PDGFD: variants seen among roughly 807,000 people sequenced by gnomAD.
PDGFD encodes platelet-derived growth factor D.
A neutral mutation model predicts 44.7 loss-of-function variants in PDGFD; 30 were observed. The observed-to-expected ratio is 0.67, with a 90% confidence interval of 0.50 to 0.91. PDGFD has a LOEUF of 0.91. Ranked by LOEUF, PDGFD falls within the 40% of genes least tolerant of loss-of-function variation. PDGFD has a pLI of 0.00. For missense variants in PDGFD, 445 were observed against 457.8 expected (o/e 0.97, Z 0.25); for synonymous variants, 173 against 168.4 (o/e 1.03, Z -0.21).
chr11:103,947,698 T>C lies in PDGFD; in HGVS notation c.537A>G (p.Ser179=). Residue 179 remains serine (S), a synonymous_variant, in exon 4 of 7, where the codon TCA becomes TCG. Coordinates refer to ENST00000393158, the MANE Select transcript of PDGFD (RefSeq NM_025208.5). ...LLEDFQPAAA[S]ETNWESVTSS... ...TTGTGACAGATTCCCAGTTGGTCTCTGAAGCTGCTGCGGGTTGGAAATCTT... is the reference window on the plus strand; with the variant it reads ...TTGTGACAGATTCCCAGTTGGTCTCCGAAGCTGCTGCGGGTTGGAAATCTT... 6.2e-7 allele frequency: 1 copy of C among 1,613,664 alleles called. No individual in the cohort carries two copies. The highest frequency in any genetic ancestry group is 8.5e-7 in the Non-Finnish European group (1 of 1,179,660).
At chr11:103,920,545 T>C (rs542090214) in intron 6 of PDGFD, among the ~76,000 whole-genome samples, 2 of 152,346 alleles carry the variant, frequency 1.3e-5, no homozygotes, top group African/African-American at 4.8e-5. Flanking sequence ...GAAGGCCTGA[T>C]GTGAAGCTAG....
At chr11:103,984,829 A>G (rs182230629) in intron 3 of PDGFD, among the ~76,000 whole-genome samples, 1 of 142,920 alleles carries the variant, frequency 7.0e-6, no homozygotes, top group Admixed American at 7.2e-5. Flanking sequence ...TTTAATATAT[A>G]ATATATTAAT....
intron 1 of PDGFD, among the ~76,000 whole-genome samples, chr11:104,137,407 CA>C (rs1254573483): frequency 6.6e-5 from 10 of 150,998 alleles, no homozygotes; most frequent in Non-Finnish European, 1.5e-4. Flanking sequence ...GACTGGCACA[CA>C]AAAAACCTTC....
At chr11:103,976,767 A>AT (rs746309077) in intron 3 of PDGFD, among the ~76,000 whole-genome samples, 20 of 152,052 alleles carry the variant, frequency 1.3e-4, no homozygotes, top group Non-Finnish European at 2.4e-4. Flanking sequence ...GATGGGCTGA[A>AT]TTTTATCAAA....
chr11:104,163,984 G>T lies in PDGFD; in HGVS notation c.-57C>A, dbSNP rs191795470. The T allele has an allele frequency of 2.0e-4, 297 of 1,467,912 alleles. No homozygotes were observed. Among genetic ancestry groups the T allele is most frequent in the Non-Finnish European group, 2.5e-4 (274 of 1,094,114 alleles). 90.9% of individuals were successfully genotyped at this position (1,467,912 alleles called of 1,614,324 possible). On this transcript the variant is annotated 5_prime_UTR_variant, in exon 1 of 7. Transcript: ENST00000393158. The stretch of plus-strand genomic sequence containing the variant: ...CAAGAAAAAGCCGGGTTCTGCTCCC[G>T]GGACCGACGCCGCGCCGCCCTGCGC...
At chr11:104,050,177 T>C (rs1860509775) in intron 1 of PDGFD, among the ~76,000 whole-genome samples, 1 of 152,090 alleles carries the variant, frequency 6.6e-6, no homozygotes, top group Admixed American at 6.6e-5. Context: ...AGGGAGGAAC[T>C]GGGCTCTCGG....
intron 1 of PDGFD, among the ~76,000 whole-genome samples, chr11:104,103,291 A>T (rs1261443522): frequency 1.3e-5 from 2 of 151,924 alleles, no homozygotes; most frequent in Non-Finnish European, 2.9e-5. Flanking sequence ...TATTTTTATA[A>T]GTATAACCAA....
Position 103,926,981 on chromosome 11 carries a change from A to G in PDGFD, c.918T>C (p.Cys306=), listed in dbSNP as rs1858325268. The change falls in exon 6 of 7, where the codon TGT becomes TGC. Residue 306 remains cysteine, a synonymous_variant. Transcript: ENST00000393158. The stretch of plus-strand genomic sequence containing the variant: ...ACCTCCAGTTGACAGTTCCACAGCC[A>G]CAATTTCCTCCACAGCGCTGCACGA... The part of the protein sequence containing the change: ...CLLVQRCGGN[C]GCGTVNWRSC... The G allele has an allele frequency of 6.2e-7, 1 of 1,614,196 alleles. No individual in the cohort carries two copies. The highest frequency in any genetic ancestry group is 8.5e-7 in the Non-Finnish European group (1 of 1,180,026).
intron 1 of PDGFD, among the ~76,000 whole-genome samples, chr11:104,002,062 A>G (rs1859628120): frequency 6.6e-6 from 1 of 152,144 alleles, no homozygotes; most frequent in Non-Finnish European, 1.5e-5. Context: ...CCTCCAGATG[A>G]AGGCAGTGGC....
At chr11:104,138,482 T>C (rs1255130706) in intron 1 of PDGFD, among the ~76,000 whole-genome samples, 1 of 152,238 alleles carries the variant, frequency 6.6e-6, no homozygotes, top group South Asian at 2.1e-4. Context: ...CCTAGCCCTA[T>C]GTGTATTATA....
chr11:104,147,147 C>T (rs374241265), intron 1 of PDGFD, among the ~76,000 whole-genome samples: 48 of 152,242 alleles, frequency 3.2e-4, no homozygotes, highest in African/African-American at 1.1e-3. Flanking sequence ...TCTGATCTTG[C>T]GAAGTTGTTT....
intron 1 of PDGFD, among the ~76,000 whole-genome samples, chr11:104,137,824 T>C (rs1565345937): frequency 6.6e-6 from 1 of 150,934 alleles, no homozygotes; most frequent in Non-Finnish European, 1.5e-5. Flanking sequence ...ACTCCTGCCT[T>C]TCCCAACAGG....
intron 1 of PDGFD, among the ~76,000 whole-genome samples, chr11:104,011,675 T>C (rs1487539045): frequency 6.6e-6 from 1 of 152,136 alleles, no homozygotes; most frequent in Non-Finnish European, 1.5e-5. Flanking sequence ...GGTAGCATAA[T>C]ATATGGATGA....
At chr11:103,912,259 A>G (rs553434416) in intron 6 of PDGFD, among the ~76,000 whole-genome samples, 1 of 152,212 alleles carries the variant, frequency 6.6e-6, no homozygotes, top group Non-Finnish European at 1.5e-5. Flanking sequence ...AAGGGAAGCC[A>G]ATCAGACTAA....
intron 1 of PDGFD, among the ~76,000 whole-genome samples, chr11:104,055,564 G>C (rs946111990): frequency 6.6e-6 from 1 of 152,168 alleles, no homozygotes; most frequent in Admixed American, 6.5e-5. Flanking sequence ...AGAAGTAATT[G>C]TTTGAAGATT....
At chr11:103,916,368 C>T (rs1441021006) in intron 6 of PDGFD, among the ~76,000 whole-genome samples, 2 of 152,116 alleles carry the variant, frequency 1.3e-5, no homozygotes, top group Non-Finnish European at 2.9e-5. Context: ...TAGAGAAATG[C>T]AAAACAAAAC....
chr11:104,017,515 A>G, intron 1 of PDGFD, among the ~76,000 whole-genome samples: 1 of 152,142 alleles, frequency 6.6e-6, no homozygotes, highest in East Asian at 1.9e-4. Flanking sequence ...CATATTCTTC[A>G]TCACTGTTCT....
intron 1 of PDGFD, among the ~76,000 whole-genome samples, chr11:104,007,613 G>A (rs1293081650): frequency 6.6e-6 from 1 of 152,066 alleles, no homozygotes; most frequent in African/African-American, 2.4e-5. Flanking sequence ...AGACAGCCAG[G>A]AACCAATAGC....
rs576918260 is a variant in PDGFD, at chr11:104,054,705, C to A, written c.125-54450G>T. On this transcript the variant is annotated intron_variant, in intron 1 of 6. Transcript: ENST00000393158. ...GCTTTCAAATTGTTTTGCTTCAGAG[C>A]TGAAGGGGAATAGAAGGGTAAAGGG... 2.6e-5 allele frequency among the ~76,000 whole-genome samples: 4 copies of A among 152,168 alleles called. No individual in the cohort carries two copies. In the South Asian group the frequency reaches 8.3e-4, roughly 32 times the overall value.
Sources: allele counts gnomAD v4.1 joint callset (sites outside exome capture counted in the v4.1 genomes callset), GRCh38; gene constraint gnomAD v4.1.1; transcripts MANE v1.5; gene names NCBI Gene and HGNC (gene_info 2026-07-23, HGNC 2026-07-21).